RAB6B: variants seen among roughly 807,000 people sequenced by gnomAD.
RAB6B encodes ras-related protein Rab-6B.
RAB6B carries 7 observed loss-of-function variants against 31.2 expected under a neutral mutation model. That is an observed-to-expected ratio of 0.22 (90% confidence interval 0.13 to 0.42). The LOEUF is 0.42. RAB6B is among the 10% of genes least tolerant of loss of function. RAB6B has a pLI of 1.00. For synonymous variants in RAB6B, 105 were observed against 104.9 expected, an observed-to-expected ratio of 1.00 and a Z score of -0.01; for missense variants, 149 against 280.6, an observed-to-expected ratio of 0.53 and a Z score of 3.35.
chr3:133,875,315 C>T (rs1354266504), intron 1 of RAB6B, among the ~76,000 whole-genome samples: 1 of 152,020 alleles, frequency 6.6e-6, no homozygotes, highest in Non-Finnish European at 1.5e-5. Flanking sequence ...AAGATCTACT[C>T]GACAAGACAC....
intron 4 of RAB6B, among the ~76,000 whole-genome samples, chr3:133,839,993 C>T (rs1229536525): frequency 2.0e-5 from 3 of 152,018 alleles, no homozygotes; most frequent in Non-Finnish European, 4.4e-5. Flanking sequence ...TGCATACACA[C>T]ACACACACAC....
At chr3:133,846,800 A>C (rs749258622) in intron 2 of RAB6B, among the ~76,000 whole-genome samples, 10 of 152,262 alleles carry the variant, frequency 6.6e-5, no homozygotes, top group Middle Eastern at 3.2e-3. Context: ...AAACTGCTTA[A>C]AAAATAAAAC....
chr3:133,883,682 T>C (rs1480537863), intron 1 of RAB6B, among the ~76,000 whole-genome samples: 1 of 152,236 alleles, frequency 6.6e-6, no homozygotes, highest in Non-Finnish European at 1.5e-5. Flanking sequence ...TCTAAGTGCC[T>C]CACTTACTGT....
Position 133,895,481 on chromosome 3 carries a change from G to C in RAB6B, c.-15C>G. 6.2e-7 allele frequency: 1 copy of C among 1,611,510 alleles called. No homozygotes were observed. The highest frequency in any genetic ancestry group is 8.5e-7 in the Non-Finnish European group (1 of 1,178,768). On this transcript the variant is annotated 5_prime_UTR_variant, in exon 1 of 8. Transcript: ENST00000285208. ...CCTGCGGACATGGTGCTGGCAGCCG[G>C]GGCCGGGAGAGGAGGAGGAGGAAAA...
intron 2 of RAB6B, among the ~76,000 whole-genome samples, chr3:133,857,684 G>A (rs1936100783): frequency 6.6e-6 from 1 of 152,196 alleles, no homozygotes. Flanking sequence ...TCTCTCACAG[G>A]CTGGCCTGAT....
At chr3:133,891,325 A>G (rs1468924645) in intron 1 of RAB6B, among the ~76,000 whole-genome samples, 1 of 152,218 alleles carries the variant, frequency 6.6e-6, no homozygotes, top group East Asian at 1.9e-4. Flanking sequence ...CACTTTCTAC[A>G]GGGCAGAGCA....
chr3:133,879,781 G>A (rs150233120), intron 1 of RAB6B, among the ~76,000 whole-genome samples: 23 of 152,270 alleles, frequency 1.5e-4, no homozygotes, highest in African/African-American at 4.3e-4. Context: ...ACATACACTT[G>A]GCAGCTTCAA....
intron 3 of RAB6B, 60 bp downstream of exon 3, chr3:133,841,550 T>C: frequency 6.3e-7 from 1 of 1,592,046 alleles, no homozygotes; most frequent in Non-Finnish European, 8.6e-7. Flanking sequence ...CTAAGGGTCC[T>C]AGGGGATAAG....
At position 133,861,952 on chromosome 3, in the gene RAB6B, T is replaced by G. The variant is rs551700373; in HGVS notation, c.129+2632A>C. On this transcript the variant is annotated intron_variant, in intron 2 of 7. Transcript: ENST00000285208. ...CAAAGACCCTGGGGATCTTGTCTAC[T>G]TCTCGAATGCCTCTGCCACCATGTT... Among the ~76,000 whole-genome samples, 98 of 152,234 alleles carry G rather than the reference T, an allele frequency of 6.4e-4. 1 individual carries two copies. Among genetic ancestry groups the G allele is most frequent in the African/African-American group, 2.3e-3 (96 of 41,534 alleles).
intron 1 of RAB6B, among the ~76,000 whole-genome samples, chr3:133,891,015 G>C (rs1355073308): frequency 6.6e-6 from 1 of 152,200 alleles, no homozygotes; most frequent in Non-Finnish European, 1.5e-5. Flanking sequence ...GAGCAGGTAA[G>C]TCTGGAAATT....
intron 2 of RAB6B, among the ~76,000 whole-genome samples, chr3:133,842,932 G>T (rs1052979903): frequency 6.6e-6 from 1 of 152,106 alleles, no homozygotes; most frequent in African/African-American, 2.4e-5. Context: ...CATGATTTTT[G>T]ACTGCAAAAA....
intron 6 of RAB6B, among the ~76,000 whole-genome samples, chr3:133,837,603 G>A (rs1448109766): frequency 6.6e-6 from 1 of 152,162 alleles, no homozygotes; most frequent in Non-Finnish European, 1.5e-5. Flanking sequence ...AGCCCTGTCT[G>A]CTGACCTGCT....
rs1169710449 is a variant in RAB6B at position 133,825,349 on chromosome 3, C to CA, written c.*3438dup. The CA allele has an allele frequency of 1.3e-5, 2 of 152,250 alleles. No homozygotes were observed. The highest frequency in any genetic ancestry group is 4.8e-5 in the African/African-American group (2 of 41,446). The allele number at this position is 152,250 out of a possible 1,614,324, so 9.4% of individuals were successfully genotyped here. A position where few individuals can be genotyped will look rare whatever the true frequency, so the allele number is the denominator to read the frequency against. On this transcript the variant is annotated 3_prime_UTR_variant, in exon 8 of 8. Transcript: ENST00000285208. The stretch of plus-strand genomic sequence containing the variant: ...AGACGTTGCACCCCAGATGTGTCTG[C>CA]ACTCTTAACTACCACCATTTCAATC...
chr3:133,881,369 C>G (rs909781632), intron 1 of RAB6B, among the ~76,000 whole-genome samples: 5 of 152,242 alleles, frequency 3.3e-5, no homozygotes, highest in African/African-American at 1.2e-4. Flanking sequence ...TTTCGGTGCA[C>G]AGCCAAGGGC....
chr3:133,877,563 A>G (rs1326612613), intron 1 of RAB6B, among the ~76,000 whole-genome samples: 1 of 152,154 alleles, frequency 6.6e-6, no homozygotes, highest in Non-Finnish European at 1.5e-5. Flanking sequence ...CAGAAAAACT[A>G]TCCACACACA....
intron 1 of RAB6B, among the ~76,000 whole-genome samples, chr3:133,885,976 C>T (rs1936539691): frequency 6.6e-6 from 1 of 152,172 alleles, no homozygotes; most frequent in Non-Finnish European, 1.5e-5. Flanking sequence ...CCTTCTAATC[C>T]ATGAGCATGT....
intron 1 of RAB6B, among the ~76,000 whole-genome samples, chr3:133,889,490 AG>A (rs1936607857): frequency 7.1e-6 from 1 of 141,082 alleles, no homozygotes. Flanking sequence ...GGTGGAGTGC[AG>A]TGGTGCCATC....
intron 1 of RAB6B, among the ~76,000 whole-genome samples, chr3:133,869,459 A>G (rs1936286094): frequency 1.3e-5 from 2 of 152,222 alleles, no homozygotes; most frequent in Non-Finnish European, 1.5e-5. Context: ...CACATGGAGG[A>G]GCATGGATTC....
At chr3:133,862,692 G>T (rs531683250) in intron 2 of RAB6B, among the ~76,000 whole-genome samples, 20 of 152,130 alleles carry the variant, frequency 1.3e-4, no homozygotes, top group Non-Finnish European at 2.5e-4. Flanking sequence ...AGTAGGCAAT[G>T]GGAGACGACG....
Sources: gnomAD v4.1 joint callset for allele counts (sites outside exome capture counted in the v4.1 genomes callset) on GRCh38, gnomAD v4.1.1 for gene constraint, MANE v1.5 for transcripts, NCBI Gene and HGNC (gene_info 2026-07-23, HGNC 2026-07-21) for gene names.